Variants in DYSF observed in about 807,000 individuals in gnomAD.
The protein encoded by DYSF is dystrophy-associated fer-1-like 1.
DYSF carries 212 observed loss-of-function variants against 274.9 expected under a neutral mutation model. That is an observed-to-expected ratio of 0.77 (90% CI 0.69 to 0.86). DYSF has a LOEUF of 0.86. Ranked by LOEUF, DYSF falls within the 40% of genes least tolerant of loss-of-function variation. The pLI, the probability that DYSF is intolerant of heterozygous loss-of-function variation, is 0.00. For missense variants in DYSF, 2,666 were observed against 2,783.2 expected, an observed-to-expected ratio of 0.96 and a Z score of 0.95; for synonymous variants, 1,091 against 1,078.7, an observed-to-expected ratio of 1.01 and a Z score of -0.22.
rs752117170 is a variant in DYSF at position 71,570,592 on chromosome 2, C to A, written c.3086-7C>A. Reference sequence around the variant, plus strand: ...AAGCAATGAGTGACCGGTTCCCCCTCCCCCAGGCTGGGAGTATAGCATCAC... The same window carrying A: ...AAGCAATGAGTGACCGGTTCCCCCTACCCCAGGCTGGGAGTATAGCATCAC... On this transcript the variant is annotated splice_region_variant and splice_polypyrimidine_tract_variant and intron_variant, in intron 28 of 55. Transcript: ENST00000410020. 1 of 1,613,292 alleles carries A rather than the reference C, an allele frequency of 6.2e-7. No individual in the cohort carries two copies. Among genetic ancestry groups the A allele is most frequent in the Non-Finnish European group, 8.5e-7 (1 of 1,179,692 alleles).
intron 36 of DYSF, among the ~76,000 whole-genome samples, chr2:71,604,249 C>T (rs1217635350): frequency 6.6e-6 from 1 of 152,184 alleles, no homozygotes; most frequent in Admixed American, 6.5e-5. Flanking sequence ...CCATGTCCTT[C>T]TCACTTGAAG....
intron 40 of DYSF, among the ~76,000 whole-genome samples, chr2:71,618,170 G>GT (rs1249407545): frequency 5.6e-5 from 8 of 143,492 alleles, no homozygotes; most frequent in Non-Finnish European, 1.1e-4. Context: ...GTGTGTGTGT[G>GT]GTAGAGGTGG....
chr2:71,513,342 G>T lies in DYSF; in HGVS notation c.553+10G>T. ...TGGCCGGCCCCCACGGGTGAGACACGGGCCAGGACTGTCCTGATCCCAGAC... is the reference window on the plus strand; with the variant it reads ...TGGCCGGCCCCCACGGGTGAGACACTGGCCAGGACTGTCCTGATCCCAGAC... On this transcript the variant is annotated intron_variant, in intron 6 of 55. Transcript: ENST00000410020. 1 of 1,551,198 alleles carries T rather than the reference G, an allele frequency of 6.4e-7. No individual in the cohort carries two copies. The highest frequency in any genetic ancestry group is 8.7e-7 in the Non-Finnish European group (1 of 1,146,664).
intron 3 of DYSF, among the ~76,000 whole-genome samples, chr2:71,491,462 A>G (rs1291757537): frequency 1.3e-5 from 2 of 152,214 alleles, no homozygotes; most frequent in Non-Finnish European, 2.9e-5. Flanking sequence ...GGTTTCTTAC[A>G]TAGGTAAACT....
At chr2:71,656,051 A>T (rs1353530980) in intron 42 of DYSF, 111 bp from the exon 43 acceptor site, 60 of 1,347,546 alleles carry the variant, frequency 4.5e-5, no homozygotes, top group Non-Finnish European at 6.2e-5. Flanking sequence ...CTCTCTCTTT[A>T]TTCACTCTCA....
chr2:71,487,359 A>T, intron 3 of DYSF, among the ~76,000 whole-genome samples: 1 of 152,188 alleles, frequency 6.6e-6, no homozygotes, highest in Non-Finnish European at 1.5e-5. Context: ...TTAAAAAAAA[A>T]ATAAGTGTCT....
intron 42 of DYSF, among the ~76,000 whole-genome samples, chr2:71,654,479 G>A (rs921874192): frequency 1.3e-5 from 2 of 152,078 alleles, no homozygotes; most frequent in Non-Finnish European, 2.9e-5. Context: ...CCGTATAAGT[G>A]GTTTAAAAAA....
intron 10 of DYSF, among the ~76,000 whole-genome samples, chr2:71,517,657 C>T (rs568338750): frequency 3.9e-5 from 6 of 152,104 alleles, no homozygotes; most frequent in East Asian, 1.9e-4. Context: ...AAGGTGCGCA[C>T]GGGAGTTAGG....
chr2:71,563,992 G>A (rs1204783637), intron 23 of DYSF, 66 bp from the exon 24 acceptor site: 16 of 1,607,038 alleles, frequency 1.0e-5, no homozygotes, highest in East Asian at 2.2e-5. Flanking sequence ...GTCAGCTCAC[G>A]GTGTGGCTGT....
intron 42 of DYSF, among the ~76,000 whole-genome samples, chr2:71,646,882 G>A (rs1223314462): frequency 6.6e-6 from 1 of 151,982 alleles, no homozygotes; most frequent in Non-Finnish European, 1.5e-5. Context: ...AAAGATTTTG[G>A]AAAACAATAT....
At chr2:71,656,391 G>A in intron 43 of DYSF, 101 bp downstream of exon 43, 1 of 1,549,388 alleles carries the variant, frequency 6.5e-7, no homozygotes, top group Non-Finnish European at 8.8e-7. Context: ...TGACCCTGGT[G>A]CTGATGTTGG....
Position 71,600,582 on chromosome 2 carries a change from G to A in DYSF, c.3757-120G>A, listed in dbSNP as rs1558583081. 2.9e-6 allele frequency: 4 copies of A among 1,378,196 alleles called. No homozygotes were observed. In the East Asian group the frequency reaches 9.1e-5, roughly 32 times the overall value. The allele number at this position is 1,378,196 out of a possible 1,614,324, so 85.4% of individuals were successfully genotyped here. On this transcript the variant is annotated intron_variant, in intron 33 of 55. Transcript: ENST00000410020. ...CAGAATTCACCATTCTGTGGGAGGG[G>A]GTGCCCTTACTACTGAGGCCCTTTC...
chr2:71,658,866 C>T lies in DYSF; in HGVS notation c.4756-12C>T. On this transcript the variant is annotated splice_polypyrimidine_tract_variant and intron_variant, in intron 43 of 55. Transcript: ENST00000410020. ...ATGATAAAAATGAAAATTAACCCTT[C>T]CTTCTTTTCAGGGCCTCTTCAAAAT... 6.2e-7 allele frequency: 1 copy of T among 1,614,178 alleles called. No homozygotes were observed. Among genetic ancestry groups the T allele is most frequent in the South Asian group, 1.1e-5 (1 of 91,074 alleles).
chr2:71,552,377 C>T (rs1333925750), intron 19 of DYSF, among the ~76,000 whole-genome samples: 4 of 152,202 alleles, frequency 2.6e-5, no homozygotes, highest in African/African-American at 9.7e-5. Context: ...GAAATTAATA[C>T]ACATATGCAG....
chr2:71,571,673 C>T (rs111207177), intron 29 of DYSF, among the ~76,000 whole-genome samples: 1 of 112,866 alleles, frequency 8.9e-6, no homozygotes, highest in African/African-American at 3.6e-5. Flanking sequence ...CCCAGCACAC[C>T]CACAGATCAC....
chr2:71,553,747 A>AGCCCCAAACAC, intron 20 of DYSF, 60 bp from the exon 21 acceptor site: 3 of 872,682 alleles, frequency 3.4e-6, no homozygotes, highest in Non-Finnish European at 5.3e-6. Flanking sequence ...CACTCTTAGC[A>AGCCCCAAACAC]CCCCATCCCA....
rs566972874 is a variant in DYSF, at chr2:71,656,151, A to G, written c.4627-11A>G. The stretch of plus-strand genomic sequence containing the variant: ...TCTCTTGTCCCCTCCTCTAATCCCC[A>G]TGTGTGGCAGGTCTATGACACACAG... On this transcript the variant is annotated splice_polypyrimidine_tract_variant and intron_variant, in intron 42 of 55. Transcript: ENST00000410020. The G allele has an allele frequency of 6.2e-6, 10 of 1,613,372 alleles. No individual in the cohort carries two copies. Among genetic ancestry groups the G allele is most frequent in the East Asian group, 2.2e-5 (1 of 44,840 alleles).
chr2:71,564,194 TACAG>T lies in DYSF; in HGVS notation c.2550_2553del (p.Thr851SerfsTer3), dbSNP rs755849745. 3 of 1,614,262 alleles carry T rather than the reference TACAG, an allele frequency of 1.9e-6. No individual in the cohort carries two copies. The highest frequency in any genetic ancestry group is 2.5e-6 in the Non-Finnish European group (3 of 1,180,044). Reference sequence around the variant, plus strand: ...TACTGTGGCAAGAATTGTGGGAAGCTACAGACAATCTTTCTGAAAGTGAGTTTTC... The same window carrying T: ...TACTGTGGCAAGAATTGTGGGAAGCTACAATCTTTCTGAAAGTGAGTTTTC... On this transcript the variant is annotated frameshift_variant, in exon 24 of 56. Coordinates refer to ENST00000410020, the MANE Select transcript of DYSF (RefSeq NM_001130987.2). LOFTEE classifies it high-confidence loss of function.
At chr2:71,484,297 C>T (rs1224328165) in intron 3 of DYSF, among the ~76,000 whole-genome samples, 1 of 152,092 alleles carries the variant, frequency 6.6e-6, no homozygotes, top group Non-Finnish European at 1.5e-5. Flanking sequence ...AGGTGATCCT[C>T]CTGGCTCAGC....
Sources: gnomAD v4.1 joint callset for allele counts (sites outside exome capture counted in the v4.1 genomes callset) on GRCh38, gnomAD v4.1.1 for gene constraint, MANE v1.5 for transcripts, NCBI Gene and HGNC (gene_info 2026-07-23, HGNC 2026-07-21) for gene names.